The following USP39 variants were observed in gnomAD, a reference collection of about 807,000 sequenced individuals.
USP39 encodes the protein ubiquitin carboxyl-terminal hydrolase 39.
A neutral mutation model predicts 66.4 loss-of-function variants in USP39; 38 were observed. The observed-to-expected ratio is 0.57, with a 90% CI of 0.44 to 0.75. The LOEUF is 0.75. Among genes scored for constraint, USP39 ranks in the 30% least tolerant of loss-of-function variants. The probability of loss-of-function intolerance (pLI) is 0.00; values close to 1 mark genes in which losing one functional copy is unlikely to be tolerated. For missense variants in USP39, 608 were observed against 714.4 expected, an observed-to-expected ratio of 0.85 and a Z score of 1.70; for synonymous variants, 303 against 274.6, an observed-to-expected ratio of 1.10 and a Z score of -1.02.
intron 5 of USP39, 129 bp from the exon 6 acceptor site, chr2:85,630,591 AT>A (rs1183257875): frequency 1.3e-6 from 1 of 782,564 alleles, no homozygotes; most frequent in African/African-American, 1.7e-5. Context: ...CCAAGGGTCC[AT>A]TTACTTTTGG....
chr2:85,611,329 C>T (rs1673509106), upstream of USP39: 2 of 1,427,890 alleles, frequency 1.4e-6, no homozygotes, highest in Non-Finnish European at 1.8e-6. Flanking sequence ...GGGTTCATTC[C>T]GCAATTATGT....
chr2:85,627,986 G>T (rs1675003406), intron 5 of USP39, among the ~76,000 whole-genome samples: 1 of 151,830 alleles, frequency 6.6e-6, no homozygotes, highest in African/African-American at 2.4e-5. Context: ...TTTTTTAAGT[G>T]ATATTTTTGC....
chr2:85,630,846 GCTCTGGAACC>G lies in USP39; in HGVS notation c.853_862del (p.Trp285GlufsTer40). 1 of 1,614,204 alleles carries G rather than the reference GCTCTGGAACC, an allele frequency of 6.2e-7. No homozygotes were observed. Among genetic ancestry groups the G allele is most frequent in the Non-Finnish European group, 8.5e-7 (1 of 1,180,038 alleles). ...AGCGTTTTGGAGAGCTGATGAGAAA[GCTCTGGAACC>G]CTCGAAATTTCAAGGCACATGTGTC... On this transcript the variant is annotated frameshift_variant, in exon 6 of 13. Coordinates refer to ENST00000323701, the MANE Select transcript of USP39 (RefSeq NM_006590.4). LOFTEE classifies it high-confidence loss of function.
intron 11 of USP39, chr2:85,646,023 C>T (rs1479328620): frequency 6.6e-6 from 1 of 152,174 alleles, no homozygotes; most frequent in Admixed American, 6.5e-5. Context: ...TGGGATGCAT[C>T]CTTGGACCAA....
intron 1 of USP39, chr2:85,603,244 G>A (rs1249955458): frequency 6.6e-6 from 1 of 152,244 alleles, no homozygotes; most frequent in Non-Finnish European, 1.5e-5. Flanking sequence ...AACTCCGGAG[G>A]AGGGCTGCTT....
upstream of USP39, among the ~76,000 whole-genome samples, chr2:85,615,628 G>A (rs1334609963): frequency 1.3e-5 from 2 of 152,070 alleles, no homozygotes; most frequent in African/African-American, 2.4e-5. Flanking sequence ...ATCTGGGGCC[G>A]AATGACAGCT....
At chr2:85,605,631 G>C (rs1673185872) in intron 1 of USP39, among the ~76,000 whole-genome samples, 1 of 152,194 alleles carries the variant, frequency 6.6e-6, no homozygotes, top group Non-Finnish European at 1.5e-5. Flanking sequence ...CAAAAATCTA[G>C]TGGTAGGAAA....
chr2:85,630,689 G>A, intron 5 of USP39, 32 bp from the exon 6 acceptor site: 2 of 1,604,970 alleles, frequency 1.2e-6, no homozygotes, highest in Non-Finnish European at 1.7e-6. Flanking sequence ...CTACAAAGGG[G>A]CTTTGGGTTA....
At chr2:85,638,506 AT>A (rs1675966681) in intron 8 of USP39, among the ~76,000 whole-genome samples, 3 of 151,004 alleles carry the variant, frequency 2.0e-5, no homozygotes, top group South Asian at 4.2e-4. Context: ...GCTAATTTTT[AT>A]TTTTATTTTT....
intron 2 of USP39, among the ~76,000 whole-genome samples, chr2:85,619,657 C>A (rs1674296612): frequency 4.0e-5 from 6 of 151,576 alleles, no homozygotes; most frequent in Admixed American, 1.3e-4. Context: ...CTCATCATAG[C>A]ATTCTTTTCT....
chr2:85,622,426 T>G, intron 3 of USP39, among the ~76,000 whole-genome samples: 1 of 151,952 alleles, frequency 6.6e-6, no homozygotes, highest in Admixed American at 6.6e-5. Flanking sequence ...CACGGCCACA[T>G]TTTTTTAAAA....
At chr2:85,631,026 T>C in intron 6 of USP39, 80 bp downstream of exon 6, 1 of 1,438,904 alleles carries the variant, frequency 6.9e-7, no homozygotes, top group East Asian at 2.3e-5. Flanking sequence ...AGTGAATTTT[T>C]TTTTTTGAGA....
chr2:85,619,087 G>A (rs143917637), intron 1 of USP39, 133 bp from the exon 2 acceptor site: 4 of 1,039,946 alleles, frequency 3.8e-6, no homozygotes, highest in African/African-American at 1.6e-5. Flanking sequence ...CTTTTTTTTC[G>A]ATATTGTTGC....
upstream of USP39, chr2:85,609,469 T>A (rs1237243726): frequency 6.2e-7 from 1 of 1,614,200 alleles, no homozygotes; most frequent in Non-Finnish European, 8.5e-7. Flanking sequence ...CTCTCCACTG[T>A]CTGCCTCGTA....
At chr2:85,620,123 G>T (rs181916343) in intron 2 of USP39, among the ~76,000 whole-genome samples, 47 of 151,664 alleles carry the variant, frequency 3.1e-4, no homozygotes, top group Admixed American at 3.1e-3. Context: ...CTCCCAAAGT[G>T]CTGGGATTAC....
At chr2:85,611,858 G>A (rs1387963094), upstream of USP39, 4 of 1,598,902 alleles carry the variant, frequency 2.5e-6, no homozygotes, top group Non-Finnish European at 3.4e-6. Flanking sequence ...TGGCGGCGGC[G>A]GCGCAGGGCG....
chr2:85,613,652 T>A (rs1279326460), upstream of USP39, among the ~76,000 whole-genome samples: 1 of 152,242 alleles, frequency 6.6e-6, no homozygotes, highest in East Asian at 1.9e-4. Context: ...TCTGTATGAT[T>A]CCATTTATAT....
At chr2:85,636,027 G>A (rs1675741845) in intron 6 of USP39, 26 bp from the exon 7 acceptor site, 2 of 1,612,668 alleles carry the variant, frequency 1.2e-6, no homozygotes, top group Non-Finnish European at 8.5e-7. Flanking sequence ...TAGCTTCAAC[G>A]TTTTCCACCC....
intron 6 of USP39, among the ~76,000 whole-genome samples, 195 bp downstream of exon 6, chr2:85,631,141 A>G (rs1479634986): frequency 6.6e-6 from 1 of 151,890 alleles, no homozygotes; most frequent in East Asian, 1.9e-4. Context: ...CAGCCTCCCA[A>G]GTAGCTGGGA....
Sources: gnomAD v4.1 joint callset for allele counts (sites outside exome capture counted in the v4.1 genomes callset) on GRCh38, gnomAD v4.1.1 for gene constraint, MANE v1.5 for transcripts, NCBI Gene and HGNC (gene_info 2026-07-23, HGNC 2026-07-21) for gene names.